The following OIT3 variants were observed in gnomAD, a reference collection of about 807,000 sequenced individuals.
The protein encoded by OIT3 is oncoprotein-induced transcript 3 protein.
Under a neutral mutation model 52.2 loss-of-function variants are expected in OIT3, and 41 were observed. The observed-to-expected ratio is 0.79, with a 90% CI of 0.61 to 1.02. OIT3 has a LOEUF of 1.02. Among genes scored for constraint, OIT3 ranks in the 50% least tolerant of loss-of-function variants. The probability of loss-of-function intolerance (pLI) is 0.00; values close to 1 mark genes in which losing one functional copy is unlikely to be tolerated. For missense variants in OIT3, 634 were observed against 715.5 expected, an observed-to-expected ratio of 0.89 and a Z score of 1.30; for synonymous variants, 244 against 276.9, an observed-to-expected ratio of 0.88 and a Z score of 1.18.
chr10:72,918,223 C>T (rs1846090611), intron 6 of OIT3: 2 of 849,208 alleles, frequency 2.4e-6, no homozygotes, highest in Non-Finnish European at 4.0e-6. Context: ...GTCCCTAAAC[C>T]ACACTTCAAC....
At chr10:72,914,260 G>A (rs1205158229) in intron 6 of OIT3, among the ~76,000 whole-genome samples, 2 of 152,144 alleles carry the variant, frequency 1.3e-5, no homozygotes, top group African/African-American at 2.4e-5. Context: ...GCTTCCAAAG[G>A]CCTGCCTTGT....
chr10:72,910,313 T>A lies in OIT3; in HGVS notation c.668-1404T>A, dbSNP rs187585173. ...TCTTCTATAGTATTATATATAATCT[T>A]CAGCCATTTCAAAAGCCTCTAGGTG... On this transcript the variant is annotated intron_variant, in intron 4 of 8. Coordinates refer to ENST00000334011, the MANE Select transcript of OIT3 (RefSeq NM_152635.3). Among the ~76,000 whole-genome samples the A allele has an allele frequency of 4.9e-3, 753 of 152,304 alleles. 1 individual carries two copies. The highest frequency in any genetic ancestry group is 7.6e-3 in the Non-Finnish European group (515 of 68,020).
chr10:72,924,421 C>T lies in OIT3; in HGVS notation c.1144C>T (p.Arg382Ter), dbSNP rs773761377. The change falls in exon 7 of 9, where the codon CGA (arginine) becomes TGA (stop). Residue 382 changes from arginine (R) to a stop codon, truncating the protein, a stop_gained. Transcript: ENST00000334011. LOFTEE classifies it high-confidence loss of function. ...LRNSPLEIMSRNHGIFPFTLE... is the reference protein window; with the variant it reads ...LRNSPLEIMS ...AAACTCCCCACTGGAAATCATGAGC[C>T]GAAATCATGGGATCTTCCCATTCAC... 9 of 1,613,870 alleles carry T rather than the reference C, an allele frequency of 5.6e-6. No individual in the cohort carries two copies. The highest frequency in any genetic ancestry group is 1.3e-5 in the African/African-American group (1 of 74,888).
chr10:72,897,516 A>G (rs1845884933), intron 1 of OIT3, among the ~76,000 whole-genome samples: 1 of 152,238 alleles, frequency 6.6e-6, no homozygotes, highest in Non-Finnish European at 1.5e-5. Flanking sequence ...AATATATACC[A>G]AAATTCACTT....
chr10:72,915,191 T>G (rs1252035126), intron 6 of OIT3, among the ~76,000 whole-genome samples: 2 of 152,152 alleles, frequency 1.3e-5, no homozygotes, highest in Non-Finnish European at 2.9e-5. Context: ...TATTTTCTTA[T>G]TTATTAAAAA....
Position 72,904,286 on chromosome 10 carries a change from C to T in OIT3, c.545-2310C>T, listed in dbSNP as rs183176240. On this transcript the variant is annotated intron_variant, in intron 3 of 8. Transcript: ENST00000334011. ...CAGTTGTTGGAGACCTGAGTCTTGC[C>T]GGAGCTCCCGGCCGAATAAAGCCCT... Among the ~76,000 whole-genome samples, 13 of 152,188 alleles carry T rather than the reference C, an allele frequency of 8.5e-5. No homozygotes were observed. In the East Asian group the frequency reaches 2.5e-3, roughly 29 times the overall value.
rs1055951721 is a variant in OIT3, at chr10:72,920,451, G to T, written c.952-3778G>T. On this transcript the variant is annotated intron_variant, in intron 6 of 8. Coordinates refer to ENST00000334011, the MANE Select transcript of OIT3 (RefSeq NM_152635.3). The stretch of plus-strand genomic sequence containing the variant: ...CTCTTCCAGTTCACCTCTAATTTTG[G>T]TTATTTCTTGTCTTCTGCTAGCTTT... 2.6e-5 allele frequency among the ~76,000 whole-genome samples: 4 copies of T among 151,946 alleles called. No homozygotes were observed. The South Asian group carries it at 6.3e-4, about 24-fold the overall frequency.
chr10:72,914,424 A>T (rs1846056570), intron 6 of OIT3, among the ~76,000 whole-genome samples: 1 of 152,196 alleles, frequency 6.6e-6, no homozygotes, highest in South Asian at 2.1e-4. Context: ...CCTTTGGTTA[A>T]ATGAATATTT....
intron 7 of OIT3, 137 bp downstream of exon 7, chr10:72,924,781 T>C: frequency 2.5e-6 from 2 of 793,468 alleles, no homozygotes; most frequent in South Asian, 1.9e-5. Context: ...CTTATTGACA[T>C]TTTGGAGGTA....
intron 7 of OIT3, 70 bp downstream of exon 7, chr10:72,924,714 A>T: frequency 8.0e-7 from 1 of 1,245,026 alleles, no homozygotes; most frequent in Non-Finnish European, 1.1e-6. Context: ...CAGCACACCC[A>T]GTCATTTACT....
chr10:72,900,332 T>A, intron 2 of OIT3, 45 bp from the exon 3 acceptor site: 1 of 995,488 alleles, frequency 1.0e-6, no homozygotes, highest in Non-Finnish European at 1.6e-6. Context: ...AAAGAGTGTC[T>A]TCTGGTCTCC....
chr10:72,919,671 T>G lies in OIT3; in HGVS notation c.952-4558T>G, dbSNP rs147668915. ...TTTTAACATGAAAGGATGCCAAAAT[T>G]TATTGAAATCCTTTTCTGCATCTGT... On this transcript the variant is annotated intron_variant, in intron 6 of 8. Coordinates refer to ENST00000334011, the MANE Select transcript of OIT3 (RefSeq NM_152635.3). Among the ~76,000 whole-genome samples, 23 of 152,314 alleles carry G rather than the reference T, an allele frequency of 1.5e-4. No individual in the cohort carries two copies. In the East Asian group the frequency reaches 4.0e-3, roughly 27 times the overall value.
intron 7 of OIT3, among the ~76,000 whole-genome samples, chr10:72,930,120 T>C (rs1846203139): frequency 6.6e-6 from 1 of 152,222 alleles, no homozygotes; most frequent in Non-Finnish European, 1.5e-5. Context: ...AGGTGTCCAA[T>C]ACATAGTTAA....
intron 6 of OIT3, chr10:72,918,197 T>C (rs766843514): frequency 3.1e-6 from 3 of 976,100 alleles, no homozygotes; most frequent in South Asian, 1.3e-5. Context: ...CTAAGTGCTG[T>C]CCACTAATAT....
chr10:72,899,213 A>T lies in OIT3; in HGVS notation c.436+175A>T, dbSNP rs1343991301. ...GATCTCTTCTTAGAACTTCTGAAAA[A>T]TTCCTGAAGAAATAGAAGGGGAAAG... On this transcript the variant is annotated intron_variant, in intron 2 of 8. Transcript: ENST00000334011. 7.9e-5 allele frequency among the ~76,000 whole-genome samples: 12 copies of T among 152,340 alleles called. No homozygotes were observed. In the South Asian group the frequency reaches 1.2e-3, roughly 16 times the overall value.
At chr10:72,917,308 G>GTT (rs138433483) in intron 6 of OIT3, among the ~76,000 whole-genome samples, 19 of 148,324 alleles carry the variant, frequency 1.3e-4, no homozygotes, top group African/African-American at 3.0e-4. Flanking sequence ...TACATTTAAG[G>GTT]TTTTTTTTTT....
chr10:72,893,902 G>T (rs1334232315), intron 1 of OIT3, 43 bp downstream of exon 1: 1 of 1,476,076 alleles, frequency 6.8e-7, no homozygotes, highest in South Asian at 1.2e-5. Context: ...ACTTTTTGTT[G>T]TGGCAATTTG....
intron 4 of OIT3, among the ~76,000 whole-genome samples, chr10:72,910,641 A>T (rs1182564068): frequency 1.3e-5 from 2 of 152,266 alleles, no homozygotes; most frequent in African/African-American, 4.8e-5. Flanking sequence ...GCTTTTTAAA[A>T]ACTATTATTG....
At chr10:72,930,441 C>A in intron 7 of OIT3, 97 bp from the exon 8 acceptor site, 1 of 865,986 alleles carries the variant, frequency 1.2e-6, no homozygotes, top group East Asian at 2.4e-5. Context: ...GCCTCCTCCA[C>A]CCCTTTGGCT....
Sources: gnomAD v4.1 joint callset for allele counts (sites outside exome capture counted in the v4.1 genomes callset) on GRCh38, gnomAD v4.1.1 for gene constraint, MANE v1.5 for transcripts, NCBI Gene and HGNC (gene_info 2026-07-23, HGNC 2026-07-21) for gene names.